Variants in CTNNA3 observed in about 807,000 individuals in gnomAD.
CTNNA3 encodes catenin alpha 3.
A neutral mutation model predicts 95.7 loss-of-function variants in CTNNA3; 76 were observed. The ratio of observed to expected loss-of-function variants is 0.79; its 90% confidence interval spans 0.66 to 0.96. The LOEUF is 0.96. CTNNA3 is among the 40% of genes least tolerant of loss of function. The pLI is 0.00. For missense variants in CTNNA3, 1,191 were observed against 1,089.8 expected (o/e 1.09, Z -1.31); for synonymous variants, 431 against 374.4 (o/e 1.15, Z -1.74).
Position 67,610,696 on chromosome 10 carries a change from G to A in CTNNA3, c.100-3647C>T, listed in dbSNP as rs117702147. Among the ~76,000 whole-genome samples, 126 of 152,304 alleles carry A rather than the reference G, an allele frequency of 8.3e-4. No individual in the cohort carries two copies. In the Middle Eastern group the frequency reaches 0.014, roughly 16 times the overall value. On this transcript the variant is annotated intron_variant, in intron 2 of 17. Coordinates refer to ENST00000433211, the MANE Select transcript of CTNNA3 (RefSeq NM_013266.4). ...GTAAAATTAGCTTTCAAGTTATCCT[G>A]TAAAATAAATCCTGTGTCCTCATTT...
At chr10:67,170,632 G>T (rs1286012405) in intron 7 of CTNNA3, among the ~76,000 whole-genome samples, 1 of 152,112 alleles carries the variant, frequency 6.6e-6, no homozygotes, top group Non-Finnish European at 1.5e-5. Context: ...TGGAGGGTGG[G>T]AAAAGGGAGA....
At chr10:66,246,790 T>C (rs1047636581) in intron 13 of CTNNA3, among the ~76,000 whole-genome samples, 5 of 151,842 alleles carry the variant, frequency 3.3e-5, no homozygotes, top group African/African-American at 9.7e-5. Flanking sequence ...CAGTGGCTCA[T>C]GTCTGCAATC....
At chr10:66,296,936 C>A (rs1181627209) in intron 12 of CTNNA3, among the ~76,000 whole-genome samples, 3 of 152,098 alleles carry the variant, frequency 2.0e-5, no homozygotes, top group African/African-American at 7.2e-5. Context: ...GTTATTTTTG[C>A]CCCACTGAAA....
chr10:66,945,394 C>T (rs773414199), intron 7 of CTNNA3, among the ~76,000 whole-genome samples: 1 of 152,188 alleles, frequency 6.6e-6, no homozygotes, highest in Non-Finnish European at 1.5e-5. Flanking sequence ...CTACCTTCAA[C>T]CTTTCCTTCT....
At chr10:65,948,091 C>G (rs1245962334) in intron 17 of CTNNA3, among the ~76,000 whole-genome samples, 2 of 152,098 alleles carry the variant, frequency 1.3e-5, no homozygotes, top group Admixed American at 1.3e-4. Context: ...TCCTGGCTAA[C>G]ACGGTGAAAC....
At chr10:67,624,225 A>T (rs1381846734) in intron 2 of CTNNA3, among the ~76,000 whole-genome samples, 1 of 152,190 alleles carries the variant, frequency 6.6e-6, no homozygotes, top group Non-Finnish European at 1.5e-5. Context: ...AAAGAAAAAA[A>T]TAATTACTTC....
intron 11 of CTNNA3, among the ~76,000 whole-genome samples, chr10:66,382,298 G>A (rs902066825): frequency 5.9e-5 from 9 of 152,174 alleles, no homozygotes; most frequent in Non-Finnish European, 1.0e-4. Flanking sequence ...TGGCTCAGTG[G>A]GTCCCATGCC....
chr10:67,250,206 T>A (rs1866052763), intron 5 of CTNNA3, among the ~76,000 whole-genome samples: 1 of 151,944 alleles, frequency 6.6e-6, no homozygotes. Flanking sequence ...GAAATCTAAG[T>A]ATACAGAGGG....
In CTNNA3 at chr10:67,309,737, T is replaced by C. The variant is rs565409021; in HGVS notation, c.580-89867A>G. ...ATACCACAATTATAATAAGTAGTTC[T>C]AAATTAATCCAAGGCTATTTCAGAA... On this transcript the variant is annotated intron_variant, in intron 5 of 17. Coordinates refer to ENST00000433211, the MANE Select transcript of CTNNA3 (RefSeq NM_013266.4). 9.5e-4 allele frequency among the ~76,000 whole-genome samples: 144 copies of C among 152,280 alleles called. No homozygotes were observed. The Middle Eastern group carries it at 0.014, about 14-fold the overall frequency.
intron 11 of CTNNA3, among the ~76,000 whole-genome samples, chr10:66,501,974 A>T (rs1349080984): frequency 6.6e-6 from 1 of 152,174 alleles, no homozygotes; most frequent in Admixed American, 6.5e-5. Context: ...CTTCACCGTA[A>T]GATTACATTG....
intron 3 of CTNNA3, among the ~76,000 whole-genome samples, chr10:67,579,127 A>C (rs1297217097): frequency 6.7e-6 from 1 of 148,362 alleles, no homozygotes; most frequent in Non-Finnish European, 1.5e-5. Flanking sequence ...ATATGTATGC[A>C]TGTGCCATGT....
intron 4 of CTNNA3, among the ~76,000 whole-genome samples, chr10:67,523,790 G>T (rs1233626220): frequency 6.6e-6 from 1 of 152,048 alleles, no homozygotes; most frequent in Non-Finnish European, 1.5e-5. Flanking sequence ...TAATTTTAAT[G>T]ACCTTTATAT....
intron 7 of CTNNA3, among the ~76,000 whole-genome samples, chr10:66,806,606 C>A (rs1841653641): frequency 6.6e-6 from 1 of 151,874 alleles, no homozygotes; most frequent in African/African-American, 2.4e-5. Flanking sequence ...CTCACAGGAC[C>A]AAACACTGTG....
At chr10:67,222,555 G>C (rs551213013) in intron 5 of CTNNA3, among the ~76,000 whole-genome samples, 1 of 152,206 alleles carries the variant, frequency 6.6e-6, no homozygotes, top group Non-Finnish European at 1.5e-5. Flanking sequence ...CAAACTTGGT[G>C]TACTGTTTCT....
chr10:66,662,589 T>G lies in CTNNA3; in HGVS notation c.1282-40805A>C, dbSNP rs552296718. ...TCTCAGTCTATGCCCATGGCCTTCC[T>G]TCCTCTGTCCTTTCTGTCTCAGTCC... On this transcript the variant is annotated intron_variant, in intron 9 of 17. Coordinates refer to ENST00000433211, the MANE Select transcript of CTNNA3 (RefSeq NM_013266.4). Among the ~76,000 whole-genome samples the G allele has an allele frequency of 6.6e-5, 10 of 152,280 alleles. No homozygotes were observed. In the South Asian group the frequency reaches 1.9e-3, roughly 28 times the overall value.
intron 10 of CTNNA3, among the ~76,000 whole-genome samples, chr10:66,531,032 G>A (rs978359849): frequency 2.4e-4 from 36 of 152,156 alleles, no homozygotes; most frequent in East Asian, 1.9e-4. Context: ...TAATGCTCCC[G>A]GGAGGTCTGT....
chr10:67,754,441 A>G (rs1224127663), intron 1 of CTNNA3, among the ~76,000 whole-genome samples: 1 of 152,124 alleles, frequency 6.6e-6, no homozygotes, highest in Non-Finnish European at 1.5e-5. Flanking sequence ...ACATCATGCA[A>G]ATGTATCCCA....
chr10:67,004,750 T>C (rs1851877469), intron 7 of CTNNA3, among the ~76,000 whole-genome samples: 1 of 152,228 alleles, frequency 6.6e-6, no homozygotes, highest in African/African-American at 2.4e-5. Flanking sequence ...GTCAATTATT[T>C]GCTATTCATT....
At chr10:67,641,120 A>G (rs1403132869) in intron 2 of CTNNA3, among the ~76,000 whole-genome samples, 2 of 152,216 alleles carry the variant, frequency 1.3e-5, no homozygotes, top group East Asian at 3.8e-4. Flanking sequence ...ACAAAGGGCT[A>G]ATATCCAGAA....
Sources: gnomAD v4.1 joint callset for allele counts (sites outside exome capture counted in the v4.1 genomes callset) on GRCh38, gnomAD v4.1.1 for gene constraint, MANE v1.5 for transcripts, NCBI Gene and HGNC (gene_info 2026-07-23, HGNC 2026-07-21) for gene names.